The following TLR8 variants were observed in gnomAD, a reference collection of about 807,000 sequenced individuals.
The protein encoded by TLR8 is toll like receptor 8.
A neutral mutation model predicts 18.5 loss-of-function variants in TLR8; 5 were observed. That is an observed-to-expected ratio of 0.27 (90% CI 0.14 to 0.57). The LOEUF (loss-of-function observed/expected upper bound fraction) is 0.57. Ranked by LOEUF, TLR8 falls within the 20% of genes least tolerant of loss-of-function variation. The pLI is 0.92. For missense variants in TLR8, 543 were observed against 769.8 expected, an observed-to-expected ratio of 0.71 and a Z score of 3.49; for synonymous variants, 299 against 300.1, an observed-to-expected ratio of 1.00 and a Z score of 0.04.
Position 12,919,031 on chromosome X carries a change from T to C in TLR8, c.4-13T>C. On this transcript the variant is annotated splice_polypyrimidine_tract_variant and intron_variant, in intron 1 of 1. Transcript: ENST00000218032. Reference sequence around the variant, plus strand: ...TACTCTAATACTGTGCTTCCACTTTTGATTTTCCTTAGGAAAACATGTTCC... The same window carrying C: ...TACTCTAATACTGTGCTTCCACTTTCGATTTTCCTTAGGAAAACATGTTCC... 2 of 1,188,323 alleles carry C rather than the reference T, an allele frequency of 1.7e-6. No homozygotes were observed. Among genetic ancestry groups the C allele is most frequent in the Non-Finnish European group, 2.3e-6 (2 of 884,082 alleles).
chrX:12,919,782 T>G lies in TLR8; in HGVS notation c.742T>G (p.Leu248Val). Residue 248 changes from leucine to valine, a missense_variant, in exon 2 of 2, where the codon TTA (leucine) becomes GTA (valine). Transcript: ENST00000218032. ...SEEDFKGLINLTLLDLSGNCP... is the reference protein window; with the variant it reads ...SEEDFKGLINVTLLDLSGNCP... ...AGAAGATTTCAAGGGATTGATAAATTTAACATTACTAGATTTAAGCGGGAA... is the reference window on the plus strand; with the variant it reads ...AGAAGATTTCAAGGGATTGATAAATGTAACATTACTAGATTTAAGCGGGAA... The G allele has an allele frequency of 8.3e-7, 1 of 1,211,328 alleles. No homozygotes were observed. The highest frequency in any genetic ancestry group is 1.1e-6 in the Non-Finnish European group (1 of 895,244).
At chrX:12,916,682 A>G (rs1463389677) in intron 1 of TLR8, among the ~76,000 whole-genome samples, 1 of 112,248 alleles carries the variant, frequency 8.9e-6, no homozygotes, top group East Asian at 2.8e-4. Flanking sequence ...TAGAGGCTTC[A>G]AAGAATGCCC....
At chrX:12,910,289 C>T in intron 1 of TLR8, 1 of 1,119,814 alleles carries the variant, frequency 8.9e-7, no homozygotes, top group Non-Finnish European at 1.2e-6. Flanking sequence ...AGATTAATTA[C>T]ATGTTATAAT....
At position 12,920,030 on chromosome X, in the gene TLR8, G is replaced by A; in HGVS notation, c.990G>A (p.Gly330=). Residue 330 remains glycine, a synonymous_variant, in exon 2 of 2, where the codon GGG becomes GGA. Transcript: ENST00000218032. The part of the protein sequence containing the change: ...FNYLVGEIAS[G]AFLTMLPRLE... ...ATTTAGTGGGAGAAATAGCCTCTGGGGCATTTTTAACGATGCTGCCCCGCT... is the reference window on the plus strand; with the variant it reads ...ATTTAGTGGGAGAAATAGCCTCTGGAGCATTTTTAACGATGCTGCCCCGCT... The A allele has an allele frequency of 8.3e-7, 1 of 1,211,410 alleles. No individual in the cohort carries two copies. The highest frequency in any genetic ancestry group is 1.1e-6 in the Non-Finnish European group (1 of 895,383).
At chrX:12,911,995 T>C (rs1199157099) in intron 1 of TLR8, among the ~76,000 whole-genome samples, 2 of 112,817 alleles carry the variant, frequency 1.8e-5, no homozygotes, top group Non-Finnish European at 3.8e-5. Flanking sequence ...TCTATTCTTT[T>C]ACTATGGCTT....
rs750589747 is a variant in TLR8 at position 12,919,688 on chromosome X, G to GCCAC, written c.652_655dup (p.Lys219ThrfsTer21). 1 of 1,210,748 alleles carries GCCAC rather than the reference G, an allele frequency of 8.3e-7. No homozygotes were observed. ...TATCTTTCAATTCTCTTTCACACGT[G>GCCAC]CCACCCAAACTGCCAAGCTCCCTAC... On this transcript the variant is annotated frameshift_variant, in exon 2 of 2. Transcript: ENST00000218032. LOFTEE classifies it low-confidence loss of function (END_TRUNC).
chrX:12,917,242 A>G (rs186350616), intron 1 of TLR8, among the ~76,000 whole-genome samples: 52 of 112,509 alleles, frequency 4.6e-4, no homozygotes, highest in African/African-American at 1.6e-3. Flanking sequence ...AACATTAAGC[A>G]GCAACATCAC....
rs1382052554 is a variant in TLR8, at chrX:12,920,864, G to T, written c.1824G>T (p.Lys608Asn). Reference sequence around the variant, plus strand: ...CAGATAAGTATAACCTGGAAAGCAAGTCCCTGGTAGAATTAGTTTTCAGTG... The same window carrying T: ...CAGATAAGTATAACCTGGAAAGCAATTCCCTGGTAGAATTAGTTTTCAGTG... Reference protein sequence around the residue: ...TLTDKYNLESKSLVELVFSGN... With the variant: ...TLTDKYNLESNSLVELVFSGN... Residue 608 changes from lysine (K) to asparagine (N), a missense_variant, in exon 2 of 2, where the codon AAG becomes AAT. Around this residue, in one of 4 missense-constraint regions of TLR8, gnomAD observed 14 missense variants for 47.0 expected, o/e 0.30. Coordinates refer to ENST00000218032, the MANE Select transcript of TLR8 (RefSeq NM_138636.5). 3 of 1,209,613 alleles carry T rather than the reference G, an allele frequency of 2.5e-6. No homozygotes were observed. The highest frequency in any genetic ancestry group is 3.4e-6 in the Non-Finnish European group (3 of 894,701).
At chrX:12,909,326 G>A (rs1275144021) in intron 1 of TLR8, among the ~76,000 whole-genome samples, 3 of 112,081 alleles carry the variant, frequency 2.7e-5, no homozygotes, top group Non-Finnish European at 5.6e-5. Context: ...GTTAGTGTTA[G>A]TGTATTTTAT....
At position 12,922,846 on chromosome X, in the gene TLR8, A is replaced by G. The variant is rs1208576373; in HGVS notation, c.*680A>G. On this transcript the variant is annotated 3_prime_UTR_variant, in exon 2 of 2. Transcript: ENST00000218032. ...TGACCTAACACATCTTCTTTTCAAT[A>G]TCTAAGAACTTTTGCCACTGTGACT... 1 of 112,216 alleles carries G rather than the reference A, an allele frequency of 8.9e-6. No individual in the cohort carries two copies. Among genetic ancestry groups the G allele is most frequent in the African/African-American group, 3.2e-5 (1 of 30,877 alleles). The allele number at this position is 112,216 out of a possible 1,213,427, so 9.2% of individuals were successfully genotyped here. A position where few individuals can be genotyped will look rare whatever the true frequency, so the allele number is the denominator to read the frequency against.
rs2109135 is a variant in TLR8 at position 12,921,809 on chromosome X, C to T, written c.2769C>T (p.Asp923=). ...VLLCLEERDW[D]PGLAIIDNLM... is the part of the protein sequence containing the mutation. ...TTTGTCTAGAGGAGAGGGATTGGGACCCGGGATTGGCCATCATCGACAACC... is the reference window on the plus strand; with the variant it reads ...TTTGTCTAGAGGAGAGGGATTGGGATCCGGGATTGGCCATCATCGACAACC... Residue 923 remains aspartate (D), a synonymous_variant, in exon 2 of 2, where the codon GAC becomes GAT. Coordinates refer to ENST00000218032, the MANE Select transcript of TLR8 (RefSeq NM_138636.5). 3,775 of 1,209,848 alleles carry T rather than the reference C, an allele frequency of 3.1e-3. 9 individuals carry two copies. Among genetic ancestry groups the T allele is most frequent in the Non-Finnish European group, 3.5e-3 (3,145 of 895,129 alleles).
At chrX:12,915,837 C>T (rs957756041) in intron 1 of TLR8, among the ~76,000 whole-genome samples, 8 of 112,093 alleles carry the variant, frequency 7.1e-5, no homozygotes, top group Non-Finnish European at 1.9e-5. Flanking sequence ...TTGTGCCTTA[C>T]ACATGCCTAC....
chrX:12,907,520 A>AAAC (rs1213842936), intron 1 of TLR8, among the ~76,000 whole-genome samples: 1 of 112,142 alleles, frequency 8.9e-6, no homozygotes, highest in African/African-American at 3.2e-5. Flanking sequence ...TAATTTTGAC[A>AAAC]ACAATTTAAA....
chrX:12,909,864 T>G (rs1431524280), intron 1 of TLR8, among the ~76,000 whole-genome samples: 2 of 112,099 alleles, frequency 1.8e-5, no homozygotes, highest in Non-Finnish European at 3.8e-5. Flanking sequence ...TGGGTTTTTT[T>G]GTTTTTGTTT....
At position 12,920,669 on chromosome X, in the gene TLR8, C is replaced by T; in HGVS notation, c.1629C>T (p.Asp543=). ...KYLDLTNNRL[D]FDNASALTEL... ...TGGATTTGACAAACAATAGACTAGA[C>T]TTTGATAATGCTAGTGCTCTTACTG... Residue 543 remains aspartate (D), a synonymous_variant, in exon 2 of 2, where the codon GAC becomes GAT. Transcript: ENST00000218032. 2 of 1,210,470 alleles carry T rather than the reference C, an allele frequency of 1.7e-6. No individual in the cohort carries two copies. The highest frequency in any genetic ancestry group is 4.3e-5 in the Admixed American group (2 of 46,040).
intron 1 of TLR8, 145 bp from the exon 2 acceptor site, chrX:12,918,899 T>C: frequency 1.5e-6 from 1 of 665,689 alleles, no homozygotes. Flanking sequence ...ATTCTGGACC[T>C]AATCTGATGC....
intron 1 of TLR8, chrX:12,910,477 C>A (rs763548416): frequency 1.7e-6 from 2 of 1,157,658 alleles, no homozygotes; most frequent in East Asian, 3.3e-5. Context: ...GACAGCTTTA[C>A]GCCCCTCCCA....
At chrX:12,910,859 G>A (rs1194677553) in intron 1 of TLR8, among the ~76,000 whole-genome samples, 1 of 112,118 alleles carries the variant, frequency 8.9e-6, no homozygotes, top group East Asian at 2.8e-4. Context: ...GACAAATGAT[G>A]TATGGAAAAT....
intron 1 of TLR8, among the ~76,000 whole-genome samples, chrX:12,918,236 AAG>A (rs2043068638): frequency 8.9e-6 from 1 of 111,958 alleles, no homozygotes; most frequent in Non-Finnish European, 1.9e-5. Context: ...AAATACCAGT[AAG>A]AGAGATATAG....
Sources: gnomAD v4.1 joint callset for allele counts (sites outside exome capture counted in the v4.1 genomes callset) on GRCh38, gnomAD v4.1.1 for gene constraint, gnomAD v4.1.1 regional missense constraint, MANE v1.5 for transcripts, NCBI Gene and HGNC (gene_info 2026-07-23, HGNC 2026-07-21) for gene names.